AKAP7: variants seen among roughly 807,000 people sequenced by gnomAD.
The protein encoded by AKAP7 is A kinase (PRKA) anchor protein 7.
In AKAP7, 39 loss-of-function variants were observed where a neutral mutation model predicts 39.5. That is an observed-to-expected ratio of 0.99 (90% CI 0.76 to 1.29). The LOEUF is 1.29. Ranked by LOEUF, AKAP7 falls within the 50% of genes most tolerant of loss-of-function variation. AKAP7 has a pLI of 0.00. For missense variants in AKAP7, 414 were observed against 407.7 expected (o/e 1.02, Z -0.13); for synonymous variants, 140 against 139.1 (o/e 1.01, Z -0.05).
intron 5 of AKAP7, among the ~76,000 whole-genome samples, chr6:131,197,780 C>T (rs576525709): frequency 5.9e-5 from 9 of 152,184 alleles, no homozygotes; most frequent in African/African-American, 1.9e-4. Context: ...CAACACCAGG[C>T]CGTGGGGGCT....
At position 131,135,597 on chromosome 6, in the gene AKAP7, C is replaced by T; in HGVS notation, c.-167C>T. On this transcript the variant is annotated 5_prime_UTR_variant, in exon 1 of 8. Coordinates refer to ENST00000431975, the MANE Select transcript of AKAP7 (RefSeq NM_016377.4). Reference sequence around the variant, plus strand: ...GCTTCCGCAGGCCTGGCCTCCGCCGCCCGGGCCCCCGCAGCCTGTCGCTGG... The same window carrying T: ...GCTTCCGCAGGCCTGGCCTCCGCCGTCCGGGCCCCCGCAGCCTGTCGCTGG... 2.0e-6 allele frequency: 1 copy of T among 505,800 alleles called. No individual in the cohort carries two copies. Among genetic ancestry groups the T allele is most frequent in the Non-Finnish European group, 2.6e-6 (1 of 390,920 alleles). The allele number at this position is 505,800 out of a possible 1,614,324, so 31.3% of individuals were successfully genotyped here. A position where few individuals can be genotyped will look rare whatever the true frequency, so the allele number is the denominator to read the frequency against.
chr6:131,169,213 C>T lies in AKAP7; in HGVS notation c.529C>T (p.Gln177Ter). Residue 177 changes from glutamine (Q) to a stop codon, truncating the protein, a stop_gained, in exon 5 of 8, where the codon CAG (glutamine) becomes TAG (stop). Coordinates refer to ENST00000431975, the MANE Select transcript of AKAP7 (RefSeq NM_016377.4). LOFTEE classifies it high-confidence loss of function. ...PFQGIGTFGNQVGFVKLAEGD... is the reference protein window; with the variant it reads ...PFQGIGTFGN Reference sequence around the variant, plus strand: ...TCAAGGGATTGGTACTTTTGGAAATCAGGTTGGATTTGTGAAGCTGGCAGA... The same window carrying T: ...TCAAGGGATTGGTACTTTTGGAAATTAGGTTGGATTTGTGAAGCTGGCAGA... 1 of 1,614,084 alleles carries T rather than the reference C, an allele frequency of 6.2e-7. No individual in the cohort carries two copies. The highest frequency in any genetic ancestry group is 1.7e-5 in the Admixed American group (1 of 60,016).
At chr6:131,258,060 C>G (rs1349105841) in intron 7 of AKAP7, among the ~76,000 whole-genome samples, 1 of 152,098 alleles carries the variant, frequency 6.6e-6, no homozygotes. Flanking sequence ...ACAAATATTA[C>G]CAAACCTAGT....
intron 5 of AKAP7, among the ~76,000 whole-genome samples, chr6:131,191,951 C>CT (rs904052306): frequency 5.3e-5 from 8 of 149,838 alleles, no homozygotes; most frequent in African/African-American, 1.7e-4. Flanking sequence ...ATTTTCATAT[C>CT]TTTTTGTAGA....
chr6:131,249,728 G>A (rs1812291270), intron 7 of AKAP7, among the ~76,000 whole-genome samples: 1 of 152,070 alleles, frequency 6.6e-6, no homozygotes, highest in African/African-American at 2.4e-5. Flanking sequence ...CCCTGAATTT[G>A]CTCAATCACC....
At chr6:131,148,740 G>C (rs1252219966) in intron 2 of AKAP7, among the ~76,000 whole-genome samples, 1 of 152,042 alleles carries the variant, frequency 6.6e-6, no homozygotes, top group East Asian at 1.9e-4. Context: ...ACAAAAACTG[G>C]GAGTTTTATT....
intron 5 of AKAP7, among the ~76,000 whole-genome samples, chr6:131,194,236 A>G (rs1354838014): frequency 6.6e-6 from 1 of 151,896 alleles, no homozygotes; most frequent in Non-Finnish European, 1.5e-5. Flanking sequence ...GGTATGTTGT[A>G]GCTCTATCAT....
intron 7 of AKAP7, among the ~76,000 whole-genome samples, chr6:131,237,349 A>G (rs1416913801): frequency 6.6e-6 from 1 of 151,990 alleles, no homozygotes; most frequent in Non-Finnish European, 1.5e-5. Flanking sequence ...TTCATCAGGG[A>G]TATTGGTCTA....
chr6:131,255,938 G>C (rs562016308), intron 7 of AKAP7, among the ~76,000 whole-genome samples: 19 of 152,032 alleles, frequency 1.2e-4, no homozygotes, highest in Non-Finnish European at 2.8e-4. Context: ...TGTGTGCCAA[G>C]TACTATGCTA....
chr6:131,190,579 A>G (rs1806308955), intron 5 of AKAP7, among the ~76,000 whole-genome samples: 1 of 151,172 alleles, frequency 6.6e-6, no homozygotes, highest in African/African-American at 2.4e-5. Context: ...GAGGTGGTGG[A>G]GGTTGCAGTG....
intron 2 of AKAP7, among the ~76,000 whole-genome samples, chr6:131,151,294 C>T (rs1022733133): frequency 1.3e-5 from 2 of 151,652 alleles, no homozygotes; most frequent in Non-Finnish European, 2.9e-5. Flanking sequence ...CCACCTGCCT[C>T]AGCCTCCCAA....
At chr6:131,138,680 T>A (rs1458643181) in intron 1 of AKAP7, among the ~76,000 whole-genome samples, 1 of 152,234 alleles carries the variant, frequency 6.6e-6, no homozygotes, top group Non-Finnish European at 1.5e-5. Flanking sequence ...TGGATTCCAG[T>A]TCCAGCCCCA....
At position 131,143,041 on chromosome 6, in the gene AKAP7, T is replaced by C. The variant is rs528018066; in HGVS notation, c.20-2244T>C. ...GTTTACACAATACCTGTACCACCTT[T>C]GTATCTTGGAGCTGAATAACTTCTT... is the stretch of plus-strand genomic sequence containing the variant. On this transcript the variant is annotated intron_variant, in intron 1 of 7. Coordinates refer to ENST00000431975, the MANE Select transcript of AKAP7 (RefSeq NM_016377.4). Among the ~76,000 whole-genome samples, 12 of 152,364 alleles carry C rather than the reference T, an allele frequency of 7.9e-5. 1 individual carries two copies. The South Asian group carries it at 2.3e-3, about 29-fold the overall frequency.
chr6:131,162,789 C>A (rs1435358259), intron 3 of AKAP7, among the ~76,000 whole-genome samples: 1 of 152,126 alleles, frequency 6.6e-6, no homozygotes, highest in East Asian at 1.9e-4. Flanking sequence ...GGAATCTCAG[C>A]TCAAACCTCT....
chr6:131,261,692 AT>A (rs1307175583), intron 7 of AKAP7, among the ~76,000 whole-genome samples: 2 of 151,990 alleles, frequency 1.3e-5, no homozygotes, highest in African/African-American at 2.4e-5. Flanking sequence ...TGAAATACGC[AT>A]TTTTTTCTAA....
chr6:131,264,798 A>C (rs1343208198), intron 7 of AKAP7, among the ~76,000 whole-genome samples: 1 of 152,144 alleles, frequency 6.6e-6, no homozygotes, highest in Non-Finnish European at 1.5e-5. Flanking sequence ...GGGCCTCAGG[A>C]AGCTTGTACT....
At chr6:131,212,440 A>T (rs767959321) in intron 6 of AKAP7, among the ~76,000 whole-genome samples, 1 of 152,186 alleles carries the variant, frequency 6.6e-6, no homozygotes, top group Non-Finnish European at 1.5e-5. Flanking sequence ...TTTTTTTCCC[A>T]TCAGACTCCC....
At chr6:131,171,705 C>T (rs747555438) in intron 5 of AKAP7, among the ~76,000 whole-genome samples, 1 of 152,120 alleles carries the variant, frequency 6.6e-6, no homozygotes, top group Non-Finnish European at 1.5e-5. Context: ...TGGTACTAAT[C>T]TGTGATCTTC....
At chr6:131,210,187 A>T (rs144609563) in intron 6 of AKAP7, among the ~76,000 whole-genome samples, 17 of 152,380 alleles carry the variant, frequency 1.1e-4, no homozygotes, top group African/African-American at 4.1e-4. Context: ...ATTTCTACAT[A>T]TGAGCTGGTT....
Sources: allele counts gnomAD v4.1 joint callset (sites outside exome capture counted in the v4.1 genomes callset), GRCh38; gene constraint gnomAD v4.1.1; transcripts MANE v1.5; gene names NCBI Gene and HGNC (gene_info 2026-07-23, HGNC 2026-07-21).